Variants in CERK observed in about 807,000 individuals in gnomAD.
The protein encoded by CERK is ceramide kinase.
Under a neutral mutation model 63.4 loss-of-function variants are expected in CERK, and 39 were observed. The ratio of observed to expected loss-of-function variants is 0.61; its 90% CI spans 0.48 to 0.80. The LOEUF is 0.80. Ranked by LOEUF, CERK falls within the 30% of genes least tolerant of loss-of-function variation. The probability of loss-of-function intolerance (pLI) is 0.00; values close to 1 mark genes in which losing one functional copy is unlikely to be tolerated. For missense variants in CERK, 670 were observed against 714.1 expected, an observed-to-expected ratio of 0.94 and a Z score of 0.70; for synonymous variants, 302 against 280.0, an observed-to-expected ratio of 1.08 and a Z score of -0.78.
At chr22:46,699,609 C>T in intron 7 of CERK, 144 bp from the exon 8 acceptor site, 1 of 708,932 alleles carries the variant, frequency 1.4e-6, no homozygotes, top group Non-Finnish European at 2.3e-6. Context: ...TGCAAGGATT[C>T]TCTCTCTTGG....
At chr22:46,724,934 T>G (rs1297871298) in intron 1 of CERK, among the ~76,000 whole-genome samples, 1 of 151,810 alleles carries the variant, frequency 6.6e-6, no homozygotes, top group African/African-American at 2.4e-5. Context: ...GGCAGGAGAA[T>G]GGCATGAACC....
At chr22:46,699,986 G>A (rs1250543060) in intron 7 of CERK, among the ~76,000 whole-genome samples, 1 of 152,214 alleles carries the variant, frequency 6.6e-6, no homozygotes, top group Non-Finnish European at 1.5e-5. Context: ...CTAGTGGCGA[G>A]GCTCAGGCAG....
At chr22:46,692,390 C>T (rs988805814) in intron 10 of CERK, among the ~76,000 whole-genome samples, 3 of 143,384 alleles carry the variant, frequency 2.1e-5, no homozygotes, top group Non-Finnish European at 4.5e-5. Context: ...TGCGCCATTG[C>T]ACTCCAGACT....
intron 7 of CERK, among the ~76,000 whole-genome samples, chr22:46,701,185 C>T (rs531812687): frequency 8.5e-5 from 13 of 152,348 alleles, no homozygotes; most frequent in East Asian, 3.9e-4. Flanking sequence ...TCTTCCTGAC[C>T]GGGGCTCTGC....
rs1017251404 is a variant in CERK at position 46,721,523 on chromosome 22, T to C, written c.143-508A>G. Among the ~76,000 whole-genome samples the C allele has an allele frequency of 2.0e-5, 3 of 152,264 alleles. No individual in the cohort carries two copies. In the East Asian group the frequency reaches 5.8e-4, roughly 29 times the overall value. ...AGCTCAATGTTACCAGACGGCGGGA[T>C]GTTTTATTCAGCCGAGTCACCAAAT... On this transcript the variant is annotated intron_variant, in intron 1 of 12. Transcript: ENST00000216264.
chr22:46,729,994 G>C (rs961250500), intron 1 of CERK, among the ~76,000 whole-genome samples: 1 of 150,558 alleles, frequency 6.6e-6, no homozygotes, highest in African/African-American at 2.4e-5. Flanking sequence ...AGCCAAGATC[G>C]CACCACTGCA....
At chr22:46,700,737 T>C (rs1390683899) in intron 7 of CERK, among the ~76,000 whole-genome samples, 1 of 148,568 alleles carries the variant, frequency 6.7e-6, no homozygotes, top group Admixed American at 6.7e-5. Context: ...CCTGACCAGG[T>C]GCTGTGGCTT....
chr22:46,690,525 G>A lies in CERK; in HGVS notation c.1333-325C>T, dbSNP rs145374860. Among the ~76,000 whole-genome samples the A allele has an allele frequency of 3.4e-3, 512 of 152,162 alleles. 1 individual carries two copies. The highest frequency in any genetic ancestry group is 6.0e-3 in the Non-Finnish European group (405 of 68,014). ...CCACAGCTTATCTACAATGACGAAC[G>A]CTTTTTACAGAATTCTGATAAATAA... On this transcript the variant is annotated intron_variant, in intron 11 of 12. Coordinates refer to ENST00000216264, the MANE Select transcript of CERK (RefSeq NM_022766.6).
chr22:46,709,410 G>A (rs2082829504), intron 5 of CERK, among the ~76,000 whole-genome samples: 1 of 152,190 alleles, frequency 6.6e-6, no homozygotes, highest in African/African-American at 2.4e-5. Flanking sequence ...GTACATGGAG[G>A]AGCTGCCATC....
chr22:46,696,027 T>C (rs768265004), intron 8 of CERK, among the ~76,000 whole-genome samples: 1 of 152,168 alleles, frequency 6.6e-6, no homozygotes, highest in Non-Finnish European at 1.5e-5. Context: ...GGTGCTGCCC[T>C]GTATGACATC....
Position 46,701,144 on chromosome 22 carries a change from C to G in CERK, c.790+492G>C, listed in dbSNP as rs374605443. On this transcript the variant is annotated intron_variant, in intron 7 of 12. Transcript: ENST00000216264. ...AAAGATCTGTCCTGCCAGAGCCCAC[C>G]GTGCTGAGTGCCATGGGCAGCCCCT... Among the ~76,000 whole-genome samples the G allele has an allele frequency of 6.6e-5, 10 of 152,376 alleles. No homozygotes were observed. In the South Asian group the frequency reaches 2.1e-3, roughly 32 times the overall value.
intron 3 of CERK, 115 bp downstream of exon 3, chr22:46,719,971 C>T: frequency 7.2e-7 from 1 of 1,381,294 alleles, no homozygotes; most frequent in Non-Finnish European, 9.9e-7. Context: ...CTCATCATGT[C>T]CACCTGGGGT....
chr22:46,723,751 G>A (rs2082904144), intron 1 of CERK, among the ~76,000 whole-genome samples: 2 of 151,980 alleles, frequency 1.3e-5, no homozygotes, highest in Admixed American at 6.5e-5. Flanking sequence ...TCGTCACCCA[G>A]GTGTGGTGTG....
chr22:46,691,042 CATGTATACAT>C lies in CERK; in HGVS notation c.1332+520_1332+529del, dbSNP rs1276853318. On this transcript the variant is annotated intron_variant, in intron 11 of 12. Transcript: ENST00000216264. Reference sequence around the variant, plus strand: ...ATATGTATATATACACATACACACACATGTATACATACATACACACACACACACACACACA... The same window carrying C: ...ATATGTATATATACACATACACACACACATACACACACACACACACACACA... Among the ~76,000 whole-genome samples, 362 of 129,842 alleles carry C rather than the reference CATGTATACAT, an allele frequency of 2.8e-3. 1 individual carries two copies. Among genetic ancestry groups the C allele is most frequent in the African/African-American group, 0.01 (342 of 34,148 alleles). 85.2% of individuals were successfully genotyped at this position (129,842 alleles called of 152,430 possible).
chr22:46,717,264 C>A (rs5767332), intron 3 of CERK, among the ~76,000 whole-genome samples: 1 of 152,194 alleles, frequency 6.6e-6, no homozygotes, highest in South Asian at 2.1e-4. Context: ...TACAACCCAG[C>A]GACTCCATTC....
At chr22:46,706,177 T>C (rs920280415) in intron 6 of CERK, among the ~76,000 whole-genome samples, 4 of 152,030 alleles carry the variant, frequency 2.6e-5, no homozygotes, top group African/African-American at 7.2e-5. Context: ...AAGAGGGAGT[T>C]TGGGTGCCAG....
At chr22:46,720,242 G>T in intron 2 of CERK, 34 bp from the exon 3 acceptor site, 1 of 1,586,474 alleles carries the variant, frequency 6.3e-7, no homozygotes. Context: ...TTAGTGCAAA[G>T]TTTGCAGGGT....
chr22:46,686,993 A>T lies in CERK; in HGVS notation c.*141T>A, dbSNP rs2082704855. 2 of 763,272 alleles carry T rather than the reference A, an allele frequency of 2.6e-6. No individual in the cohort carries two copies. Among genetic ancestry groups the T allele is most frequent in the East Asian group, 5.4e-5 (2 of 36,716 alleles). The allele number at this position is 763,272 out of a possible 1,614,324, so 47.3% of individuals were successfully genotyped here. A position where few individuals can be genotyped will look rare whatever the true frequency, so the allele number is the denominator to read the frequency against. Reference sequence around the variant, plus strand: ...AATATGTACACAAAATTGTTGACAAAAGGGTTTTCTTCTAAAATCAAGATT... The same window carrying T: ...AATATGTACACAAAATTGTTGACAATAGGGTTTTCTTCTAAAATCAAGATT... On this transcript the variant is annotated 3_prime_UTR_variant, in exon 13 of 13. Transcript: ENST00000216264.
chr22:46,711,163 T>G lies in CERK; in HGVS notation c.506-14A>C, dbSNP rs564370895. Reference sequence around the variant, plus strand: ...CATGTTCAGTAACTGTGGGGAAAAATTACATCACACAGTTTATATTCACAT... The same window carrying G: ...CATGTTCAGTAACTGTGGGGAAAAAGTACATCACACAGTTTATATTCACAT... On this transcript the variant is annotated splice_polypyrimidine_tract_variant and intron_variant, in intron 4 of 12. Coordinates refer to ENST00000216264, the MANE Select transcript of CERK (RefSeq NM_022766.6). 196 of 1,602,168 alleles carry G rather than the reference T, an allele frequency of 1.2e-4. No individual in the cohort carries two copies. The highest frequency in any genetic ancestry group is 1.1e-3 in the South Asian group (101 of 90,826).
Sources: gnomAD v4.1 joint callset for allele counts (sites outside exome capture counted in the v4.1 genomes callset) on GRCh38, gnomAD v4.1.1 for gene constraint, MANE v1.5 for transcripts, NCBI Gene and HGNC (gene_info 2026-07-23, HGNC 2026-07-21) for gene names.